Variants in GRID2 observed in about 807,000 individuals in gnomAD.
GRID2 encodes the protein glutamate ionotropic receptor delta type subunit 2, also known as glutamate receptor ionotropic, delta-2.
In GRID2, 33 loss-of-function variants were observed where a neutral mutation model predicts 114.8. The observed-to-expected ratio is 0.29, with a 90% CI of 0.22 to 0.38. The LOEUF is 0.38. Among genes scored for constraint, GRID2 ranks in the 10% least tolerant of loss-of-function variants. GRID2 has a pLI of 1.00. For missense variants in GRID2, 1,184 were observed against 1,257.7 expected (o/e 0.94, Z 0.89); for synonymous variants, 505 against 449.9 (o/e 1.12, Z -1.55).
chr4:93,224,541 C>T, intron 6 of GRID2, 73 bp from the exon 7 acceptor site: 1 of 937,284 alleles, frequency 1.1e-6, no homozygotes, highest in South Asian at 1.4e-5. Flanking sequence ...GCAGTTGAGA[C>T]AATTATTTTT....
At chr4:92,368,123 C>T (rs1257485712) in intron 1 of GRID2, among the ~76,000 whole-genome samples, 1 of 151,954 alleles carries the variant, frequency 6.6e-6, no homozygotes, top group Non-Finnish European at 1.5e-5. Context: ...AGTATGGGTG[C>T]GGGTCTCAGA....
intron 13 of GRID2, among the ~76,000 whole-genome samples, chr4:93,577,104 G>C (rs1736498881): frequency 6.6e-6 from 1 of 152,026 alleles, no homozygotes; most frequent in African/African-American, 2.4e-5. Context: ...GTTTAATATA[G>C]ACAAAGAGTC....
intron 8 of GRID2, among the ~76,000 whole-genome samples, chr4:93,262,520 T>C (rs1243491720): frequency 1.3e-5 from 2 of 151,952 alleles, no homozygotes. Context: ...TATACATATA[T>C]TTTCCACTTT....
At chr4:93,231,919 A>G (rs1746194702) in intron 7 of GRID2, among the ~76,000 whole-genome samples, 1 of 152,154 alleles carries the variant, frequency 6.6e-6, no homozygotes, top group Non-Finnish European at 1.5e-5. Flanking sequence ...ATAGATTAGA[A>G]ATATTTGCAT....
At chr4:93,083,297 A>C (rs943269220) in intron 2 of GRID2, among the ~76,000 whole-genome samples, 1 of 152,206 alleles carries the variant, frequency 6.6e-6, no homozygotes, top group African/African-American at 2.4e-5. Context: ...CATTGAAATT[A>C]TAAGTATACA....
intron 10 of GRID2, among the ~76,000 whole-genome samples, chr4:93,438,214 A>G (rs1032627822): frequency 6.6e-6 from 1 of 152,124 alleles, no homozygotes; most frequent in Non-Finnish European, 1.5e-5. Flanking sequence ...GTGCACACGA[A>G]AAACAAATGT....
chr4:93,475,399 G>A (rs1407055908), intron 11 of GRID2, among the ~76,000 whole-genome samples: 1 of 152,054 alleles, frequency 6.6e-6, no homozygotes, highest in Non-Finnish European at 1.5e-5. Context: ...AATGTTAAAT[G>A]ATTCCCTTTT....
At chr4:93,678,531 G>A (rs1268390874) in intron 14 of GRID2, among the ~76,000 whole-genome samples, 5 of 152,034 alleles carry the variant, frequency 3.3e-5, no homozygotes, top group East Asian at 1.9e-4. Context: ...CAGAGAGAAA[G>A]GTCCGGTTAC....
intron 14 of GRID2, among the ~76,000 whole-genome samples, chr4:93,665,579 T>G (rs1332755550): frequency 1.3e-5 from 2 of 152,192 alleles, no homozygotes; most frequent in Non-Finnish European, 2.9e-5. Flanking sequence ...AAATCTGCTA[T>G]TTTGTTTGTA....
chr4:93,026,088 A>G (rs955943737), intron 2 of GRID2, among the ~76,000 whole-genome samples: 5 of 151,832 alleles, frequency 3.3e-5, no homozygotes, highest in Admixed American at 3.3e-4. Context: ...AAGTAGTGTA[A>G]TATCAAGAAA....
At chr4:92,906,213 C>T (rs1747941150) in intron 2 of GRID2, among the ~76,000 whole-genome samples, 1 of 149,036 alleles carries the variant, frequency 6.7e-6, no homozygotes, top group African/African-American at 2.5e-5. Flanking sequence ...GATTATTTGA[C>T]AATTTGGATT....
At chr4:92,853,603 T>G (rs1218982886) in intron 2 of GRID2, among the ~76,000 whole-genome samples, 1 of 152,076 alleles carries the variant, frequency 6.6e-6, no homozygotes, top group Non-Finnish European at 1.5e-5. Flanking sequence ...TCATAGTAGC[T>G]ATTTAATATA....
chr4:93,071,708 A>G (rs1728819323), intron 2 of GRID2, among the ~76,000 whole-genome samples: 1 of 152,142 alleles, frequency 6.6e-6, no homozygotes, highest in Admixed American at 6.6e-5. Context: ...AGAAAGGCTG[A>G]TGGAAACAGG....
At chr4:92,982,316 A>G (rs1044312986) in intron 2 of GRID2, among the ~76,000 whole-genome samples, 5 of 152,108 alleles carry the variant, frequency 3.3e-5, no homozygotes, top group Admixed American at 1.3e-4. Context: ...GAATAGATGT[A>G]GTTATATGAA....
At chr4:92,522,412 CAA>C (rs1014556965) in intron 1 of GRID2, among the ~76,000 whole-genome samples, 1 of 151,914 alleles carries the variant, frequency 6.6e-6, no homozygotes, top group East Asian at 1.9e-4. Flanking sequence ...TACTCTGAGT[CAA>C]ACAGAAAATC....
intron 1 of GRID2, among the ~76,000 whole-genome samples, chr4:92,310,632 T>C (rs901732427): frequency 7.9e-5 from 12 of 152,044 alleles, no homozygotes; most frequent in African/African-American, 2.9e-4. Context: ...GATTAGAATT[T>C]AGAAGGTATT....
At chr4:93,285,466 T>G (rs1319939165) in intron 8 of GRID2, among the ~76,000 whole-genome samples, 1 of 152,072 alleles carries the variant, frequency 6.6e-6, no homozygotes, top group African/African-American at 2.4e-5. Flanking sequence ...CAAGAAGTAC[T>G]TGTTTAAATC....
At chr4:93,460,587 T>A (rs938599601) in intron 11 of GRID2, among the ~76,000 whole-genome samples, 1 of 152,202 alleles carries the variant, frequency 6.6e-6, no homozygotes, top group African/African-American at 2.4e-5. Context: ...TTCCTTTTTT[T>A]AAACATGTCT....
At chr4:93,371,366 T>G (rs528682541) in intron 8 of GRID2, among the ~76,000 whole-genome samples, 25 of 152,254 alleles carry the variant, frequency 1.6e-4, no homozygotes, top group South Asian at 4.1e-4. Flanking sequence ...ATTCCTTTTT[T>G]TTTTGTTTTG....
Sources: gnomAD v4.1 joint callset for allele counts (sites outside exome capture counted in the v4.1 genomes callset) on GRCh38, gnomAD v4.1.1 for gene constraint, MANE v1.5 for transcripts, NCBI Gene and HGNC (gene_info 2026-07-23, HGNC 2026-07-21) for gene names.